C6orf141: variants seen among roughly 807,000 people sequenced by gnomAD.
C6orf141 encodes uncharacterized protein C6orf141.
For synonymous variants in C6orf141, 164 were observed against 140.5 expected, an observed-to-expected ratio of 1.17 and a Z score of -1.18; for missense variants, 361 against 335.8, an observed-to-expected ratio of 1.07 and a Z score of -0.59.
intron 4 of C6orf141, among the ~76,000 whole-genome samples, chr6:49,559,798 G>A (rs1274953641): frequency 6.6e-6 from 1 of 152,146 alleles, no homozygotes; most frequent in African/African-American, 2.4e-5. Context: ...TTTTAACAAA[G>A]CGAGAGAACT....
chr6:49,561,143 G>A (rs1773246430), intron 4 of C6orf141, among the ~76,000 whole-genome samples: 1 of 148,750 alleles, frequency 6.7e-6, no homozygotes, highest in East Asian at 2.0e-4. Context: ...TGTCGCCCAG[G>A]CTAGAGTTAA....
chr6:49,557,990 C>G (rs1383782446), intron 4 of C6orf141, among the ~76,000 whole-genome samples: 2 of 150,724 alleles, frequency 1.3e-5, no homozygotes, highest in Non-Finnish European at 3.0e-5. Context: ...CTCCCGGGTT[C>G]AAGTGATTTT....
At chr6:49,555,720 G>A (rs112187381), downstream of C6orf141, among the ~76,000 whole-genome samples, 6,139 of 152,170 alleles carry the variant, frequency 0.04, 196 homozygotes, top group African/African-American at 0.085. Context: ...ATGTTAGCCA[G>A]GATGGTCTCG....
At position 49,551,492 on chromosome 6, in the gene C6orf141, T is replaced by C; in HGVS notation, c.700T>C (p.Ser234Pro). Reference sequence around the variant, plus strand: ...CGCCGCGGGGAGGAGGGTTTCACCGTCTCCAGGGACTTGGCTCGAGGAAAT... The same window carrying C: ...CGCCGCGGGGAGGAGGGTTTCACCGCCTCCAGGGACTTGGCTCGAGGAAAT... ...VHAAGRRVSPSPGTWLEEIKL is the reference protein window; with the variant it reads ...VHAAGRRVSPPPGTWLEEIKL The change falls in exon 1 of 1, where the codon TCT becomes CCT. Residue 234 changes from serine (S) to proline (P), a missense_variant. By Grantham distance (74) the Ser-to-Pro change is moderately conservative. Coordinates refer to ENST00000529246, the MANE Select transcript of C6orf141 (RefSeq NM_001145652.2). The C allele has an allele frequency of 1.3e-6, 2 of 1,551,452 alleles. No individual in the cohort carries two copies. Among genetic ancestry groups the C allele is most frequent in the African/African-American group, 2.7e-5 (2 of 73,148 alleles).
At chr6:49,558,650 A>T (rs1177469819) in intron 4 of C6orf141, among the ~76,000 whole-genome samples, 1 of 150,222 alleles carries the variant, frequency 6.7e-6, no homozygotes, top group African/African-American at 2.5e-5. Flanking sequence ...AAAATTAACT[A>T]TTATTATTAT....
intron 4 of C6orf141, among the ~76,000 whole-genome samples, chr6:49,558,064 T>TTTTTTTTTGTTTTTTTTTTTTTTG (rs1561996199): frequency 1.6e-5 from 2 of 126,058 alleles, no homozygotes; most frequent in African/African-American, 6.1e-5. Flanking sequence ...AATATGTTTT[T>TTTTTTTTTGTTTTTTTTTTTTTTG]TTTTTTTTTT....
chr6:49,560,270 G>C (rs748624499), intron 4 of C6orf141, among the ~76,000 whole-genome samples: 4 of 151,922 alleles, frequency 2.6e-5, no homozygotes, highest in African/African-American at 7.2e-5. Context: ...AGCCGAGATC[G>C]CGCCACCGCA....
Position 49,551,172 on chromosome 6 carries a change from A to G in C6orf141, c.380A>G (p.Glu127Gly). The change falls in exon 1 of 1, where the codon GAG (glutamate) becomes GGG (glycine). Residue 127 changes from glutamate to glycine, a missense_variant. By Grantham distance (98) the Glu-to-Gly change is moderately conservative (BLOSUM62 -2). Transcript: ENST00000529246. ...PHAGGEDHGEEPNYPSVFQRQ... is the reference protein window; with the variant it reads ...PHAGGEDHGEGPNYPSVFQRQ... ...GCGGGTGGAGAGGACCACGGCGAGG[A>G]GCCCAACTACCCTTCTGTCTTTCAA... is the stretch of plus-strand genomic sequence containing the variant. 1 of 1,551,538 alleles carries G rather than the reference A, an allele frequency of 6.4e-7. No individual in the cohort carries two copies. Among genetic ancestry groups the G allele is most frequent in the Non-Finnish European group, 8.7e-7 (1 of 1,146,918 alleles).
Position 49,551,821 on chromosome 6 carries a change from T to A in C6orf141, c.*294T>A. On this transcript the variant is annotated 3_prime_UTR_variant, in exon 1 of 1. Coordinates refer to ENST00000529246, the MANE Select transcript of C6orf141 (RefSeq NM_001145652.2). ...AGAAAACCTGTTGTTAATTTGCATT[T>A]TGGAATAACTCTCAATTGATCTCTT... 7.9e-7 allele frequency: 1 copy of A among 1,259,808 alleles called. No homozygotes were observed. The highest frequency in any genetic ancestry group is 1.0e-6 in the Non-Finnish European group (1 of 990,062). 78.0% of individuals were successfully genotyped at this position (1,259,808 alleles called of 1,614,324 possible).
In C6orf141 at chr6:49,551,410, C is replaced by G. The variant is rs550252232; in HGVS notation, c.618C>G (p.Arg206=). 6.4e-7 allele frequency: 1 copy of G among 1,551,682 alleles called. No individual in the cohort carries two copies. The highest frequency in any genetic ancestry group is 8.7e-7 in the Non-Finnish European group (1 of 1,146,990). The part of the protein sequence containing the change: ...RSSREGQPGE[R]WGPAESRALQ... ...GTAGAGAGGGACAGCCTGGGGAACG[C>G]TGGGGCCCTGCTGAATCCCGGGCTC... is the stretch of plus-strand genomic sequence containing the variant. The change falls in exon 1 of 1, where the codon CGC becomes CGG. Residue 206 remains arginine, a synonymous_variant. Coordinates refer to ENST00000529246, the MANE Select transcript of C6orf141 (RefSeq NM_001145652.2).
At chr6:49,551,096 C>T in exon 1 of C6orf141, 1 of 1,551,630 alleles carries the variant, frequency 6.4e-7, no homozygotes, top group Middle Eastern at 1.7e-4. Context: ...GTTAGGGACT[C>T]GAGGGGACCC....
Position 49,551,621 on chromosome 6 carries a change from A to C in C6orf141, c.*94A>C. ...GAGCTCCAACCTGCAATTAACCTAC[A>C]GAAGGAACCTTTTGAGAGGCTGGTG... On this transcript the variant is annotated 3_prime_UTR_variant, in exon 1 of 1. Transcript: ENST00000529246. 6.6e-7 allele frequency: 1 copy of C among 1,506,760 alleles called. No individual in the cohort carries two copies. Among genetic ancestry groups the C allele is most frequent in the Non-Finnish European group, 8.8e-7 (1 of 1,131,532 alleles). 93.3% of individuals were successfully genotyped at this position (1,506,760 alleles called of 1,614,324 possible). A position where few individuals can be genotyped will look rare whatever the true frequency, so the allele number is the denominator to read the frequency against.
In C6orf141 at chr6:49,551,114, G is replaced by C; in HGVS notation, c.322G>C (p.Glu108Gln). ...AGGGACTCGAGGGGACCCTGCACGG[G>C]AAGAGGTGGCCGGTGCAGAGGACCT... The part of the protein sequence containing the change: ...WLGTRGDPAR[E>Q]EVAGAEDLPH... The change falls in exon 1 of 1, where the codon GAA (glutamate) becomes CAA (glutamine). Residue 108 changes from glutamate (E) to glutamine (Q), a missense_variant. By Grantham distance (29) the Glu-to-Gln change is conservative. Coordinates refer to ENST00000529246, the MANE Select transcript of C6orf141 (RefSeq NM_001145652.2). 1.9e-6 allele frequency: 3 copies of C among 1,551,746 alleles called. No individual in the cohort carries two copies. Among genetic ancestry groups the C allele is most frequent in the Non-Finnish European group, 2.6e-6 (3 of 1,146,998 alleles).
chr6:49,558,059 G>A, intron 4 of C6orf141, among the ~76,000 whole-genome samples: 1 of 97,800 alleles, frequency 1.0e-5, no homozygotes, highest in East Asian at 3.5e-4. Flanking sequence ...ACTCAAATAT[G>A]TTTTTTTTTT....
intron 4 of C6orf141, chr6:49,560,508 A>G (rs1287955056): frequency 2.6e-5 from 4 of 152,128 alleles, no homozygotes; most frequent in African/African-American, 9.7e-5. Flanking sequence ...AGCCAGACTA[A>G]AAGTCTTTCT....
At position 49,551,817 on chromosome 6, in the gene C6orf141, C is replaced by T. The variant is rs1278166804; in HGVS notation, c.*290C>T. 1.1e-5 allele frequency: 14 copies of T among 1,268,964 alleles called. No homozygotes were observed. Among genetic ancestry groups the T allele is most frequent in the Non-Finnish European group, 1.4e-5 (14 of 996,192 alleles). The allele number at this position is 1,268,964 out of a possible 1,614,324, so 78.6% of individuals were successfully genotyped here. On this transcript the variant is annotated 3_prime_UTR_variant, in exon 1 of 1. Coordinates refer to ENST00000529246, the MANE Select transcript of C6orf141 (RefSeq NM_001145652.2). Reference sequence around the variant, plus strand: ...AATGAGAAAACCTGTTGTTAATTTGCATTTTGGAATAACTCTCAATTGATC... The same window carrying T: ...AATGAGAAAACCTGTTGTTAATTTGTATTTTGGAATAACTCTCAATTGATC...
At chr6:49,558,832 C>T (rs908314283) in intron 4 of C6orf141, among the ~76,000 whole-genome samples, 9 of 151,726 alleles carry the variant, frequency 5.9e-5, no homozygotes, top group African/African-American at 9.7e-5. Flanking sequence ...CTCAGCCTCC[C>T]GAGTAGCTGG....
downstream of C6orf141, among the ~76,000 whole-genome samples, chr6:49,553,499 T>A (rs1227600700): frequency 6.6e-6 from 1 of 152,230 alleles, no homozygotes; most frequent in East Asian, 1.9e-4. Context: ...GCATGTAAGT[T>A]TCAGACCTGA....
At chr6:49,558,739 G>T (rs770820332) in intron 4 of C6orf141, among the ~76,000 whole-genome samples, 2 of 151,528 alleles carry the variant, frequency 1.3e-5, no homozygotes, top group African/African-American at 2.4e-5. Flanking sequence ...ATGGAGTCTT[G>T]CTCTGTTGCC....
Sources: gnomAD v4.1 joint callset for allele counts (sites outside exome capture counted in the v4.1 genomes callset) on GRCh38, gnomAD v4.1.1 for gene constraint, MANE v1.5 for transcripts, NCBI Gene and HGNC (gene_info 2026-07-23, HGNC 2026-07-21) for gene names.